The following VCAM1 variants were observed in gnomAD, a reference collection of about 807,000 sequenced individuals.
The protein encoded by VCAM1 is vascular cell adhesion protein 1.
Under a neutral mutation model 63.8 loss-of-function variants are expected in VCAM1, and 41 were observed. The ratio of observed to expected loss-of-function variants is 0.64; its 90% CI spans 0.50 to 0.83. The LOEUF (loss-of-function observed/expected upper bound fraction) is 0.83, where lower values mean the gene tolerates loss of function less well. Ranked by LOEUF, VCAM1 falls within the 40% of genes least tolerant of loss-of-function variation. The pLI is 0.00. For synonymous variants in VCAM1, 338 were observed against 320.7 expected (o/e 1.05, Z -0.58); for missense variants, 798 against 875.5 (o/e 0.91, Z 1.12).
At chr1:100,728,348 T>C (rs1372586407) in intron 4 of VCAM1, among the ~76,000 whole-genome samples, 1 of 152,118 alleles carries the variant, frequency 6.6e-6, no homozygotes, top group African/African-American at 2.4e-5. Context: ...CTTTCAGTGG[T>C]ATAACTGTAT....
intron 4 of VCAM1, among the ~76,000 whole-genome samples, chr1:100,725,293 G>C (rs1327173546): frequency 6.6e-6 from 1 of 151,604 alleles, no homozygotes; most frequent in Non-Finnish European, 1.5e-5. Flanking sequence ...GTTAAATCCT[G>C]TCAGTTCTAC....
At position 100,732,771 on chromosome 1, in the gene VCAM1, A is replaced by C. The variant is rs1267041639; in HGVS notation, c.1792+87A>C. 2.1e-6 allele frequency: 3 copies of C among 1,398,550 alleles called. No individual in the cohort carries two copies. The East Asian group carries it at 7.6e-5, about 35-fold the overall frequency. 86.6% of individuals were successfully genotyped at this position (1,398,550 alleles called of 1,614,324 possible). A position where few individuals can be genotyped will look rare whatever the true frequency, so the allele number is the denominator to read the frequency against. ...TATGAGTAAAGTCTTTGAAAACAAA[A>C]TTTTTACTACAAAAGTGTGATGAGG... On this transcript the variant is annotated intron_variant, in intron 7 of 8. Transcript: ENST00000294728.
chr1:100,736,493 G>A (rs985266681), intron 8 of VCAM1: 1 of 152,102 alleles, frequency 6.6e-6, no homozygotes, highest in Non-Finnish European at 1.5e-5. Flanking sequence ...AATTGTATTT[G>A]AAGGTTGCCC....
rs1660756801 is a variant in VCAM1 at position 100,738,968 on chromosome 1, A to T, written c.*685A>T. ...TGCAACTTTCCCAATGTGGCCTAAA[A>T]ATGCAACTTCTTTTTATTTTCTTTT... On this transcript the variant is annotated 3_prime_UTR_variant, in exon 9 of 9. Coordinates refer to ENST00000294728, the MANE Select transcript of VCAM1 (RefSeq NM_001078.4). 1 of 152,186 alleles carries T rather than the reference A, an allele frequency of 6.6e-6. No homozygotes were observed. The highest frequency in any genetic ancestry group is 1.9e-4 in the East Asian group (1 of 5,202). 9.4% of individuals were successfully genotyped at this position (152,186 alleles called of 1,614,324 possible). A position where few individuals can be genotyped will look rare whatever the true frequency, so the allele number is the denominator to read the frequency against.
At chr1:100,725,557 A>T (rs2100826349) in intron 4 of VCAM1, among the ~76,000 whole-genome samples, 1 of 152,128 alleles carries the variant, frequency 6.6e-6, no homozygotes, top group Non-Finnish European at 1.5e-5. Context: ...TTGTACACCT[A>T]ATATTTCCCA....
intron 6 of VCAM1, among the ~76,000 whole-genome samples, chr1:100,732,082 C>T (rs984111873): frequency 6.6e-6 from 1 of 152,174 alleles, no homozygotes; most frequent in African/African-American, 2.4e-5. Flanking sequence ...AAATAGACCA[C>T]ATCTTTTCAC....
rs889308059 is a variant in VCAM1, at chr1:100,723,029, A to C, written c.350A>C (p.Lys117Thr). ...GIQVEIYSFP[K>T]DPEIHLSGPL... ...TGTTTGGCCTTTTCAGCTTTTCCTA[A>C]GGATCCAGAGATTCATTTGAGTGGC... Residue 117 changes from lysine (K) to threonine (T), a missense_variant, in exon 3 of 9, where the codon AAG becomes ACG. Transcript: ENST00000294728. The C allele has an allele frequency of 6.2e-7, 1 of 1,607,702 alleles. No homozygotes were observed. The highest frequency in any genetic ancestry group is 8.5e-7 in the Non-Finnish European group (1 of 1,176,988).
At position 100,719,785 on chromosome 1, in the gene VCAM1, C is replaced by T. The variant is rs1659883796; in HGVS notation, c.-76C>T. Reference sequence around the variant, plus strand: ...CTCACTGGCTTCAGGAGCTGAATACCCTCCCAGGCACACACAGGTGGGACA... The same window carrying T: ...CTCACTGGCTTCAGGAGCTGAATACTCTCCCAGGCACACACAGGTGGGACA... On this transcript the variant is annotated 5_prime_UTR_variant, in exon 1 of 9. Transcript: ENST00000294728. 1 of 1,488,830 alleles carries T rather than the reference C, an allele frequency of 6.7e-7. No individual in the cohort carries two copies. Among genetic ancestry groups the T allele is most frequent in the Non-Finnish European group, 9.2e-7 (1 of 1,086,356 alleles). 92.2% of individuals were successfully genotyped at this position (1,488,830 alleles called of 1,614,324 possible).
Position 100,720,316 on chromosome 1 carries a change from GGCA to G in VCAM1, c.65-158_65-156del, listed in dbSNP as rs1439628705. On this transcript the variant is annotated intron_variant, in intron 1 of 8. Transcript: ENST00000294728. ...TGAAGATGATTCCATAAACTTTTTT[GGCA>G]GTGACTTCGGTGCTTTTTGGCTACC... Among the ~76,000 whole-genome samples the G allele has an allele frequency of 2.0e-5, 3 of 152,180 alleles. No individual in the cohort carries two copies. In the East Asian group the frequency reaches 5.8e-4, roughly 29 times the overall value.
chr1:100,730,281 A>AT (rs1263004275), intron 5 of VCAM1, among the ~76,000 whole-genome samples: 4 of 152,076 alleles, frequency 2.6e-5, no homozygotes, highest in Admixed American at 2.6e-4. Flanking sequence ...GCATTATCAT[A>AT]TTACCCAGAG....
chr1:100,729,408 T>TA (rs749729449), intron 5 of VCAM1, 26 bp downstream of exon 5: 1 of 1,444,862 alleles, frequency 6.9e-7, no homozygotes, highest in Admixed American at 2.5e-5. Context: ...AATTGTTTAC[T>TA]GTTTTTTTTT....
chr1:100,720,863 GC>G, intron 2 of VCAM1, 112 bp downstream of exon 2: 1 of 1,281,414 alleles, frequency 7.8e-7, no homozygotes, highest in Non-Finnish European at 1.0e-6. Context: ...CAGATTCTTG[GC>G]TAAAGAACAT....
chr1:100,738,317 T>A lies in VCAM1; in HGVS notation c.*34T>A. 1 of 1,602,188 alleles carries A rather than the reference T, an allele frequency of 6.2e-7. No individual in the cohort carries two copies. Among genetic ancestry groups the A allele is most frequent in the Non-Finnish European group, 8.5e-7 (1 of 1,173,058 alleles). On this transcript the variant is annotated 3_prime_UTR_variant, in exon 9 of 9. Transcript: ENST00000294728. Reference sequence around the variant, plus strand: ...TGATATGTTCAACTGGAGACACTATTTATCTGTGCAAATCCTTGATACTGC... The same window carrying A: ...TGATATGTTCAACTGGAGACACTATATATCTGTGCAAATCCTTGATACTGC...
chr1:100,734,107 T>C (rs1660560133), intron 7 of VCAM1, among the ~76,000 whole-genome samples: 1 of 151,998 alleles, frequency 6.6e-6, no homozygotes, highest in Non-Finnish European at 1.5e-5. Context: ...AAAAACTCAT[T>C]AACTATCATG....
intron 4 of VCAM1, among the ~76,000 whole-genome samples, chr1:100,727,043 C>CTGTGTGTGTGTGTGTGTGTGTG (rs57979614): frequency 6.8e-6 from 1 of 147,702 alleles, no homozygotes; most frequent in Non-Finnish European, 1.5e-5. Context: ...ATCAGGAATT[C>CTGTGTGTGTGTGTGTGTGTGTG]TGTGTGTGTG....
chr1:100,720,841 G>T, intron 2 of VCAM1, 90 bp downstream of exon 2: 2 of 1,407,102 alleles, frequency 1.4e-6, no homozygotes, highest in Non-Finnish European at 1.9e-6. Flanking sequence ...TTTTAAAATG[G>T]ATATTCATGT....
chr1:100,726,752 G>T (rs978025548), intron 4 of VCAM1, among the ~76,000 whole-genome samples: 2 of 152,048 alleles, frequency 1.3e-5, no homozygotes, highest in Non-Finnish European at 2.9e-5. Context: ...TATGACAACT[G>T]CCCTAGGGGA....
chr1:100,736,309 T>C (rs1660646901), intron 8 of VCAM1: 1 of 152,228 alleles, frequency 6.6e-6, no homozygotes. Flanking sequence ...TTAAACTAGC[T>C]AAATTTTAAT....
intron 7 of VCAM1, among the ~76,000 whole-genome samples, chr1:100,733,295 T>G (rs960400808): frequency 2.6e-5 from 4 of 152,200 alleles, no homozygotes; most frequent in African/African-American, 9.6e-5. Flanking sequence ...TACGGAGTTA[T>G]GAGCAAAATC....
Sources: allele counts gnomAD v4.1 joint callset (sites outside exome capture counted in the v4.1 genomes callset), GRCh38; gene constraint gnomAD v4.1.1; transcripts MANE v1.5; gene names NCBI Gene and HGNC (gene_info 2026-07-23, HGNC 2026-07-21).